The following USP31 variants were observed in gnomAD, a reference collection of about 807,000 sequenced individuals.
The protein encoded by USP31 is ubiquitin carboxyl-terminal hydrolase 31.
In USP31, 44 loss-of-function variants were observed where a neutral mutation model predicts 119.4. That is an observed-to-expected ratio of 0.37 (90% CI 0.29 to 0.47). The LOEUF (loss-of-function observed/expected upper bound fraction) is 0.47, where lower values mean the gene tolerates loss of function less well. Among genes scored for constraint, USP31 ranks in the 20% least tolerant of loss-of-function variants. The pLI, the probability that USP31 is intolerant of heterozygous loss-of-function variation, is 0.99. For synonymous variants in USP31, 749 were observed against 705.6 expected (o/e 1.06, Z -0.97); for missense variants, 1,643 against 1,730.2 (o/e 0.95, Z 0.89).
rs1902779811 is a variant in USP31 at position 23,124,427 on chromosome 16, TGGATTATCACTG to T, written c.634-16256_634-16245del. 2.6e-5 allele frequency among the ~76,000 whole-genome samples: 4 copies of T among 152,318 alleles called. No individual in the cohort carries two copies. The South Asian group carries it at 8.3e-4, about 32-fold the overall frequency. On this transcript the variant is annotated intron_variant, in intron 1 of 15. Coordinates refer to ENST00000219689, the MANE Select transcript of USP31 (RefSeq NM_020718.4). Reference sequence around the variant, plus strand: ...CTCATTCCCCAAAACGCCAGGCACATGGATTATCACTGTGTTATTCAACGACGATACAATGGC... The same window carrying T: ...CTCATTCCCCAAAACGCCAGGCACATTGTTATTCAACGACGATACAATGGC...
At chr16:23,072,916 G>A (rs539468281) in intron 14 of USP31, among the ~76,000 whole-genome samples, 29 of 151,974 alleles carry the variant, frequency 1.9e-4, no homozygotes, top group Non-Finnish European at 3.2e-4. Context: ...CCAGCAGGGC[G>A]TCATTCTGCT....
chr16:23,142,425 G>C (rs1472477835), intron 1 of USP31, among the ~76,000 whole-genome samples: 1 of 152,202 alleles, frequency 6.6e-6, no homozygotes, highest in Non-Finnish European at 1.5e-5. Flanking sequence ...CACAGTCTCA[G>C]AGGAAAAAAT....
intron 1 of USP31, among the ~76,000 whole-genome samples, chr16:23,115,005 C>T (rs1365900868): frequency 1.3e-5 from 2 of 151,850 alleles, no homozygotes; most frequent in Non-Finnish European, 2.9e-5. Flanking sequence ...GTCAAGAATC[C>T]TAAGCTCAAG....
chr16:23,135,993 A>T (rs1391204171), intron 1 of USP31, among the ~76,000 whole-genome samples: 1 of 152,226 alleles, frequency 6.6e-6, no homozygotes, highest in African/African-American at 2.4e-5. Context: ...ATGCCTAATA[A>T]AAACGGACAT....
intron 6 of USP31, 76 bp from the exon 7 acceptor site, chr16:23,090,880 AAC>A: frequency 7.5e-7 from 1 of 1,327,188 alleles, no homozygotes. Context: ...AAATTTACCC[AAC>A]AGAGAAAATT....
At chr16:23,072,262 C>G in intron 14 of USP31, 65 bp from the exon 15 acceptor site, 1 of 1,553,066 alleles carries the variant, frequency 6.4e-7, no homozygotes, top group Non-Finnish European at 8.7e-7. Flanking sequence ...GAGCCACACA[C>G]ACCCTCATGA....
In USP31 at chr16:23,084,848, C is replaced by T. The variant is rs772248819; in HGVS notation, c.1830+12G>A. The T allele has an allele frequency of 1.2e-6, 2 of 1,613,558 alleles. No homozygotes were observed. The highest frequency in any genetic ancestry group is 8.5e-7 in the Non-Finnish European group (1 of 1,179,762). On this transcript the variant is annotated intron_variant, in intron 11 of 15. Transcript: ENST00000219689. ...GCCCTGAGCAACCAAGAAATGCTGC[C>T]CAGTCTCTTACCCGCTCCTCTTTGG...
In USP31 at chr16:23,149,345, C is replaced by T. The variant is rs1435048950; in HGVS notation, c.-75G>A. ...CCCCGCCACGGCCGCCGCCGCATCC[C>T]GCAGCGCCGCGCCTCACCGGGCCCG... is the stretch of plus-strand genomic sequence containing the variant. On this transcript the variant is annotated 5_prime_UTR_variant, in exon 1 of 16. Coordinates refer to ENST00000219689, the MANE Select transcript of USP31 (RefSeq NM_020718.4). 2.0e-6 allele frequency: 2 copies of T among 997,406 alleles called. No individual in the cohort carries two copies. Among genetic ancestry groups the T allele is most frequent in the Non-Finnish European group, 1.2e-6 (1 of 839,634 alleles). The allele number at this position is 997,406 out of a possible 1,614,324, so 61.8% of individuals were successfully genotyped here. A position where few individuals can be genotyped will look rare whatever the true frequency, so the allele number is the denominator to read the frequency against.
intron 6 of USP31, among the ~76,000 whole-genome samples, chr16:23,096,657 T>C (rs189586337): frequency 6.6e-6 from 1 of 152,312 alleles, no homozygotes; most frequent in East Asian, 1.9e-4. Context: ...CAGACCACAG[T>C]GCAATCAAAT....
intron 6 of USP31, among the ~76,000 whole-genome samples, chr16:23,097,708 A>T (rs1901673393): frequency 6.6e-6 from 1 of 152,236 alleles, no homozygotes; most frequent in Admixed American, 6.5e-5. Flanking sequence ...ACATAAACAG[A>T]ACCAATGACA....
chr16:23,085,525 T>C, intron 10 of USP31, 60 bp downstream of exon 10: 2 of 1,410,590 alleles, frequency 1.4e-6, no homozygotes, highest in Non-Finnish European at 2.0e-6. Context: ...ATCAAAGGTG[T>C]GCTATAAAAA....
Position 23,087,119 on chromosome 16 carries a change from T to G in USP31, c.1595A>C (p.Gln532Pro). 6 of 1,613,804 alleles carry G rather than the reference T, an allele frequency of 3.7e-6. No homozygotes were observed. The highest frequency in any genetic ancestry group is 5.1e-6 in the Non-Finnish European group (6 of 1,179,866). ...GITYLLPQEE[Q>P]PLCHPIVERA... ...TTCTACTATTGGGTGGCACAAGGGC[T>G]GCTCCTCCTGGGGCAGCAAATATGT... The change falls in exon 9 of 16, where the codon CAG becomes CCG. Residue 532 changes from glutamine (Q) to proline (P), a missense_variant. Physicochemically the swap from Gln to Pro is moderately conservative, Grantham distance 76 (BLOSUM62 -1). This residue lies in a region of USP31 where 219 missense variants were observed against 226.4 expected (regional missense o/e 0.97). Transcript: ENST00000219689.
chr16:23,108,083 T>C lies in USP31; in HGVS notation c.734A>G (p.Asn245Ser). 1 of 1,614,102 alleles carries C rather than the reference T, an allele frequency of 6.2e-7. No individual in the cohort carries two copies. Among genetic ancestry groups the C allele is most frequent in the South Asian group, 1.1e-5 (1 of 91,076 alleles). The change falls in exon 2 of 16, where the codon AAC becomes AGC. Residue 245 changes from asparagine (N) to serine (S), a missense_variant. By Grantham distance (46) the Asn-to-Ser change is conservative. Transcript: ENST00000219689. ...WLLDRVHEDL[N>S]HSVKQSGQPP... ...CTGGCCACTCTGCTTCACTGAATGG[T>C]TGAGGTCTTCATGAACTCGGTCCAA...
At chr16:23,147,178 G>A (rs1034212796) in intron 1 of USP31, among the ~76,000 whole-genome samples, 1 of 152,102 alleles carries the variant, frequency 6.6e-6, no homozygotes, top group African/African-American at 2.4e-5. Flanking sequence ...GCACGATCTC[G>A]GCTCACTGCA....
At chr16:23,099,023 G>C (rs1901735226) in intron 6 of USP31, among the ~76,000 whole-genome samples, 2 of 152,166 alleles carry the variant, frequency 1.3e-5, no homozygotes, top group Non-Finnish European at 2.9e-5. Flanking sequence ...ACTACCATCA[G>C]AGTGAACAGG....
Position 23,106,386 on chromosome 16 carries a change from G to A in USP31, c.860+13C>T, listed in dbSNP as rs771379735. Reference sequence around the variant, plus strand: ...GTAAACAAAATAAGTGGAAACATCCGATTTTCTCATACCTGTATTGCGCTT... The same window carrying A: ...GTAAACAAAATAAGTGGAAACATCCAATTTTCTCATACCTGTATTGCGCTT... On this transcript the variant is annotated intron_variant, in intron 3 of 15. Coordinates refer to ENST00000219689, the MANE Select transcript of USP31 (RefSeq NM_020718.4). 1.5e-5 allele frequency: 24 copies of A among 1,613,312 alleles called. No homozygotes were observed. The East Asian group carries it at 2.2e-4, about 15-fold the overall frequency.
At chr16:23,118,836 A>G (rs1902578005) in intron 1 of USP31, among the ~76,000 whole-genome samples, 1 of 151,960 alleles carries the variant, frequency 6.6e-6, no homozygotes, top group Non-Finnish European at 1.5e-5. Flanking sequence ...GGCTGGGTGC[A>G]GTGGCTCATG....
chr16:23,127,331 G>GATCACTT (rs71151694), intron 1 of USP31, among the ~76,000 whole-genome samples: 41,439 of 151,794 alleles, frequency 0.27, 6,077 homozygotes, highest in Admixed American at 0.35. Flanking sequence ...AGGGACTGAG[G>GATCACTT]ATCACTTGAG....
intron 6 of USP31, among the ~76,000 whole-genome samples, chr16:23,094,855 C>A (rs192040477): frequency 3.3e-5 from 5 of 152,180 alleles, no homozygotes; most frequent in Non-Finnish European, 5.9e-5. Context: ...CTGTAGGTTA[C>A]CAACATCAAA....
Sources: allele counts gnomAD v4.1 joint callset (sites outside exome capture counted in the v4.1 genomes callset), GRCh38; gene constraint gnomAD v4.1.1; regional missense constraint gnomAD v4.1.1; transcripts MANE v1.5; gene names NCBI Gene and HGNC (gene_info 2026-07-23, HGNC 2026-07-21).